The following MIPOL1 variants were observed in gnomAD, a reference collection of about 807,000 sequenced individuals.
The protein encoded by MIPOL1 is mirror-image polydactyly gene 1 protein.
In MIPOL1, 57 loss-of-function variants were observed where a neutral mutation model predicts 60.9. The ratio of observed to expected loss-of-function variants is 0.94; its 90% CI spans 0.76 to 1.17. The LOEUF (loss-of-function observed/expected upper bound fraction) is 1.17. Ranked by LOEUF, MIPOL1 falls within the 50% of genes most tolerant of loss-of-function variation. The pLI is 0.00. For missense variants in MIPOL1, 551 were observed against 511.6 expected (o/e 1.08, Z -0.74); for synonymous variants, 179 against 168.8 (o/e 1.06, Z -0.47).
chr14:37,233,082 C>T (rs1227676107), intron 1 of MIPOL1, among the ~76,000 whole-genome samples: 1 of 152,136 alleles, frequency 6.6e-6, no homozygotes, highest in Non-Finnish European at 1.5e-5. Flanking sequence ...GAAGAGAGCA[C>T]CCTCTAGTGT....
At chr14:37,411,957 A>G (rs1340152601) in intron 10 of MIPOL1, among the ~76,000 whole-genome samples, 1 of 152,112 alleles carries the variant, frequency 6.6e-6, no homozygotes, top group Non-Finnish European at 1.5e-5. Context: ...ATGAGATAGT[A>G]AGTTATCTCT....
chr14:37,536,905 G>A (rs567311720), intron 12 of MIPOL1, among the ~76,000 whole-genome samples: 8 of 152,300 alleles, frequency 5.3e-5, no homozygotes, highest in African/African-American at 1.9e-4. Flanking sequence ...GGGGTTGGTA[G>A]TGGAAACAAT....
At chr14:37,493,049 T>G (rs1684343263) in intron 11 of MIPOL1, among the ~76,000 whole-genome samples, 1 of 152,190 alleles carries the variant, frequency 6.6e-6, no homozygotes, top group South Asian at 2.1e-4. Context: ...CACTAATGAT[T>G]GAGCAATTAC....
intron 11 of MIPOL1, among the ~76,000 whole-genome samples, chr14:37,486,281 C>T (rs925475114): frequency 3.9e-5 from 6 of 152,120 alleles, no homozygotes; most frequent in African/African-American, 1.4e-4. Flanking sequence ...ATGTCTCCAG[C>T]TTTGTTCTTT....
At chr14:37,489,691 T>C (rs1348747988) in intron 11 of MIPOL1, among the ~76,000 whole-genome samples, 1 of 152,228 alleles carries the variant, frequency 6.6e-6, no homozygotes, top group Non-Finnish European at 1.5e-5. Context: ...TGGTTTTCCT[T>C]CTAACAGTCA....
At chr14:37,383,883 G>C (rs1346440442) in intron 10 of MIPOL1, among the ~76,000 whole-genome samples, 1 of 151,662 alleles carries the variant, frequency 6.6e-6, no homozygotes. Context: ...TGCTGTTGCT[G>C]TTAAACTGGA....
At chr14:37,209,876 C>CT (rs1163510242) in intron 1 of MIPOL1, among the ~76,000 whole-genome samples, 198 of 141,860 alleles carry the variant, frequency 1.4e-3, no homozygotes, top group East Asian at 0.01. Context: ...TAATTTTTAA[C>CT]TTTTTTTTTT....
chr14:37,445,282 A>G (rs539059193), intron 11 of MIPOL1, among the ~76,000 whole-genome samples: 209 of 152,294 alleles, frequency 1.4e-3, no homozygotes, highest in African/African-American at 4.9e-3. Flanking sequence ...TACACCAATA[A>G]CAGACAGAGA....
At chr14:37,528,253 G>T (rs1475128563) in intron 12 of MIPOL1, among the ~76,000 whole-genome samples, 1 of 151,876 alleles carries the variant, frequency 6.6e-6, no homozygotes, top group Admixed American at 6.6e-5. Context: ...AGCATATTAT[G>T]AAAAACTTCC....
intron 10 of MIPOL1, among the ~76,000 whole-genome samples, chr14:37,378,559 A>C (rs758599110): frequency 6.8e-6 from 1 of 146,050 alleles, no homozygotes; most frequent in Non-Finnish European, 1.5e-5. Context: ...ATTTCTTTAT[A>C]GTGATGTAAC....
At chr14:37,199,172 G>A (rs956559791) in intron 1 of MIPOL1, among the ~76,000 whole-genome samples, 1 of 151,710 alleles carries the variant, frequency 6.6e-6, no homozygotes, top group Admixed American at 6.6e-5. Context: ...TAAGTGTACA[G>A]CTCGGTGAAT....
At chr14:37,332,802 T>C (rs1723979053) in intron 9 of MIPOL1, among the ~76,000 whole-genome samples, 1 of 152,154 alleles carries the variant, frequency 6.6e-6, no homozygotes, top group South Asian at 2.1e-4. Context: ...ACATCACTAG[T>C]GGAACTTTGT....
At chr14:37,395,695 G>A (rs1393453046) in intron 10 of MIPOL1, among the ~76,000 whole-genome samples, 4 of 152,054 alleles carry the variant, frequency 2.6e-5, no homozygotes, top group South Asian at 2.1e-4. Flanking sequence ...CAATCATATC[G>A]TCAGCAAACA....
chr14:37,467,731 G>C (rs763560785), intron 11 of MIPOL1, among the ~76,000 whole-genome samples: 2 of 152,204 alleles, frequency 1.3e-5, no homozygotes, highest in East Asian at 3.9e-4. Flanking sequence ...AGGTGCTAAA[G>C]ATAAAATGGT....
chr14:37,448,894 TATA>T (rs2094377869), intron 11 of MIPOL1, among the ~76,000 whole-genome samples: 1 of 152,236 alleles, frequency 6.6e-6, no homozygotes, highest in South Asian at 2.1e-4. Flanking sequence ...CTAATGAACG[TATA>T]ATGTGTTCAA....
At chr14:37,343,375 T>A (rs1013804732) in intron 9 of MIPOL1, among the ~76,000 whole-genome samples, 14 of 152,180 alleles carry the variant, frequency 9.2e-5, no homozygotes, top group Admixed American at 7.2e-4. Flanking sequence ...GAGTGATTTT[T>A]AAAAACTCTT....
chr14:37,446,473 A>G (rs1341653227), intron 11 of MIPOL1, among the ~76,000 whole-genome samples: 23 of 152,116 alleles, frequency 1.5e-4, no homozygotes, highest in Admixed American at 5.2e-4. Flanking sequence ...TACACTGTTG[A>G]TGGGACTGTA....
At chr14:37,394,084 A>ATATATATATATATATAATCTC (rs1491106712) in intron 10 of MIPOL1, among the ~76,000 whole-genome samples, 1 of 134,674 alleles carries the variant, frequency 7.4e-6, no homozygotes, top group African/African-American at 2.8e-5. Context: ...ATATATATAT[A>ATATATATATATATATAATCTC]TCTCCATGTT....
intron 12 of MIPOL1, among the ~76,000 whole-genome samples, chr14:37,509,960 C>CTA (rs762500704): frequency 9.9e-4 from 149 of 150,542 alleles, no homozygotes; most frequent in African/African-American, 2.3e-3. Context: ...AACCTGAAAA[C>CTA]TATATATATA....
Sources: gnomAD v4.1 joint callset for allele counts (sites outside exome capture counted in the v4.1 genomes callset) on GRCh38, gnomAD v4.1.1 for gene constraint, MANE v1.5 for transcripts, NCBI Gene and HGNC (gene_info 2026-07-23, HGNC 2026-07-21) for gene names.